Variants in CCNYL1 observed in about 807,000 individuals in gnomAD.
CCNYL1 encodes the protein cyclin Y like 1, also known as cyclin-Y-like protein 1.
A neutral mutation model predicts 44.2 loss-of-function variants in CCNYL1; 16 were observed. The observed-to-expected ratio is 0.36, with a 90% confidence interval of 0.25 to 0.55. The LOEUF is 0.55. CCNYL1 is among the 20% of genes least tolerant of loss of function. CCNYL1 has a pLI of 0.85. For synonymous variants in CCNYL1, 159 were observed against 163.2 expected (o/e 0.97, Z 0.20); for missense variants, 348 against 451.8 (o/e 0.77, Z 2.08).
chr2:207,753,105 G>A (rs1041438193), intron 9 of CCNYL1, among the ~76,000 whole-genome samples: 14 of 152,016 alleles, frequency 9.2e-5, no homozygotes, highest in South Asian at 2.1e-4. Context: ...CTTTTGGCGC[G>A]TCAGTCATCA....
chr2:207,747,047 G>C lies in CCNYL1; in HGVS notation c.640G>C (p.Val214Leu). ...LTAECAIVTL[V>L]YLERLLTYAE... is the part of the protein sequence containing the mutation. ...CAAAGACCAGTGCTCTATTTTACAGGTTTACTTAGAAAGGCTTTTAACTTA... is the reference window on the plus strand; with the variant it reads ...CAAAGACCAGTGCTCTATTTTACAGCTTTACTTAGAAAGGCTTTTAACTTA... Residue 214 changes from valine to leucine, a missense_variant and splice_region_variant, in exon 8 of 10, where the codon GTT (valine) becomes CTT (leucine). Physicochemically the swap from Val to Leu is conservative, Grantham distance 32. Around this residue, in one of 3 missense-constraint regions of CCNYL1, gnomAD observed 45 missense variants for 101.7 expected, o/e 0.44. Transcript: ENST00000295414. 5.6e-6 allele frequency: 9 copies of C among 1,612,814 alleles called. No individual in the cohort carries two copies. Among genetic ancestry groups the C allele is most frequent in the Non-Finnish European group, 7.6e-6 (9 of 1,179,080 alleles).
chr2:207,745,854 T>C (rs1431756384), intron 7 of CCNYL1, among the ~76,000 whole-genome samples: 1 of 152,072 alleles, frequency 6.6e-6, no homozygotes, highest in Non-Finnish European at 1.5e-5. Flanking sequence ...GGCAGGAGAA[T>C]CGCTTGAACC....
chr2:207,715,357 G>A (rs965774455), intron 1 of CCNYL1, among the ~76,000 whole-genome samples: 2 of 148,878 alleles, frequency 1.3e-5, no homozygotes, highest in African/African-American at 2.5e-5. Flanking sequence ...AATGACGCTC[G>A]GCTTTGTTCT....
chr2:207,746,900 T>A (rs1374790596), intron 7 of CCNYL1, 147 bp from the exon 8 acceptor site: 2 of 574,148 alleles, frequency 3.5e-6, no homozygotes, highest in Non-Finnish European at 6.0e-6. Context: ...CACTTGAACC[T>A]GGGAGGCGGA....
Position 207,755,290 on chromosome 2 carries a change from G to T in CCNYL1, c.*1592G>T, listed in dbSNP as rs1423713887. On this transcript the variant is annotated 3_prime_UTR_variant, in exon 10 of 10. Transcript: ENST00000295414. The stretch of plus-strand genomic sequence containing the variant: ...AGCCACTCTGGAGGCTAAGGTGGGA[G>T]GATCAGTAGAGCCCAGGAGGTCAAG... The T allele has an allele frequency of 6.6e-6, 1 of 152,148 alleles. No individual in the cohort carries two copies. Among genetic ancestry groups the T allele is most frequent in the African/African-American group, 2.4e-5 (1 of 41,400 alleles). The allele number at this position is 152,148 out of a possible 1,614,324, so 9.4% of individuals were successfully genotyped here. A position where few individuals can be genotyped will look rare whatever the true frequency, so the allele number is the denominator to read the frequency against.
At chr2:207,712,169 TC>T in intron 1 of CCNYL1, 53 bp downstream of exon 1, 2 of 1,455,524 alleles carry the variant, frequency 1.4e-6, no homozygotes, top group Non-Finnish European at 9.3e-7. Flanking sequence ...GCCCGCCTCC[TC>T]CCCCAGAGTC....
chr2:207,736,951 T>C (rs1276152607), intron 4 of CCNYL1, among the ~76,000 whole-genome samples: 1 of 151,836 alleles, frequency 6.6e-6, no homozygotes, highest in Non-Finnish European at 1.5e-5. Context: ...AGTCTCGCTC[T>C]GTCGCCCAGG....
intron 9 of CCNYL1, among the ~76,000 whole-genome samples, chr2:207,752,803 G>A (rs180907933): frequency 6.9e-6 from 1 of 144,772 alleles, no homozygotes; most frequent in East Asian, 2.3e-4. Context: ...TTGGGAGGCC[G>A]AGGCAGGCGG....
At chr2:207,733,782 C>T (rs1046950008) in intron 3 of CCNYL1, among the ~76,000 whole-genome samples, 165 bp from the exon 4 acceptor site, 3 of 152,222 alleles carry the variant, frequency 2.0e-5, no homozygotes, top group Non-Finnish European at 2.9e-5. Flanking sequence ...GGGAGAGCCT[C>T]CACTGGGTTT....
At chr2:207,751,343 A>C (rs1404028584) in intron 9 of CCNYL1, among the ~76,000 whole-genome samples, 1 of 152,242 alleles carries the variant, frequency 6.6e-6, no homozygotes, top group Non-Finnish European at 1.5e-5. Context: ...TGTGACCATA[A>C]TTCAGAATAT....
At position 207,753,874 on chromosome 2, in the gene CCNYL1, G is replaced by A. The variant is rs953137277; in HGVS notation, c.*176G>A. 3.8e-6 allele frequency: 2 copies of A among 519,902 alleles called. No individual in the cohort carries two copies. The highest frequency in any genetic ancestry group is 3.4e-6 in the Non-Finnish European group (1 of 292,282). 32.2% of individuals were successfully genotyped at this position (519,902 alleles called of 1,614,324 possible). Reference sequence around the variant, plus strand: ...ACTCCACAGGAAAGAATGGGACCTTGTCAATGCAACAAAACACTCTTCTGT... The same window carrying A: ...ACTCCACAGGAAAGAATGGGACCTTATCAATGCAACAAAACACTCTTCTGT... On this transcript the variant is annotated 3_prime_UTR_variant, in exon 10 of 10. Transcript: ENST00000295414.
intron 9 of CCNYL1, among the ~76,000 whole-genome samples, chr2:207,752,096 C>T (rs1026207810): frequency 2.0e-5 from 3 of 149,140 alleles, no homozygotes; most frequent in Non-Finnish European, 4.4e-5. Context: ...ACATAATTCA[C>T]TTGCCACTCT....
At chr2:207,713,114 G>A (rs138805702) in intron 1 of CCNYL1, among the ~76,000 whole-genome samples, 2,181 of 152,296 alleles carry the variant, frequency 0.014, 27 homozygotes, top group Admixed American at 0.025. Context: ...GCGCCCAGAG[G>A]TTGTTAACTC....
chr2:207,715,884 C>T (rs1210558848), intron 1 of CCNYL1, among the ~76,000 whole-genome samples: 4 of 151,814 alleles, frequency 2.6e-5, no homozygotes, highest in African/African-American at 7.3e-5. Context: ...CCATGTTGGC[C>T]AGGCTGGTCT....
intron 1 of CCNYL1, among the ~76,000 whole-genome samples, chr2:207,722,582 C>T (rs1211933850): frequency 6.6e-6 from 1 of 152,004 alleles, no homozygotes; most frequent in East Asian, 1.9e-4. Flanking sequence ...ATGGCTTCTT[C>T]TGTAAACATT....
At chr2:207,748,038 C>T (rs1185719748) in intron 8 of CCNYL1, among the ~76,000 whole-genome samples, 1 of 152,138 alleles carries the variant, frequency 6.6e-6, no homozygotes, top group Non-Finnish European at 1.5e-5. Context: ...GGCCTCTGGA[C>T]TATTGAGAAG....
intron 2 of CCNYL1, 61 bp downstream of exon 2, chr2:207,724,935 G>A (rs1055417137): frequency 4.4e-5 from 58 of 1,305,854 alleles, no homozygotes; most frequent in Non-Finnish European, 5.9e-5. Flanking sequence ...TATTTTATTG[G>A]ATGTATTATA....
At chr2:207,740,745 TAG>T in intron 6 of CCNYL1, 39 bp downstream of exon 6, 1 of 1,294,500 alleles carries the variant, frequency 7.7e-7, no homozygotes, top group East Asian at 2.3e-5. Context: ...TTTTCTCTCA[TAG>T]AGTTGTGTTT....
intron 3 of CCNYL1, among the ~76,000 whole-genome samples, chr2:207,729,207 GCTTATTA>G (rs2091702726): frequency 6.9e-6 from 1 of 145,460 alleles, no homozygotes; most frequent in South Asian, 2.3e-4. Flanking sequence ...CAGATGCTGA[GCTTATTA>G]GACCAGTGTT....
Sources: allele counts gnomAD v4.1 joint callset (sites outside exome capture counted in the v4.1 genomes callset), GRCh38; gene constraint gnomAD v4.1.1; regional missense constraint gnomAD v4.1.1; transcripts MANE v1.5; gene names NCBI Gene and HGNC (gene_info 2026-07-23, HGNC 2026-07-21).